The following LRRC8B variants were observed in gnomAD, a reference collection of about 807,000 sequenced individuals.
LRRC8B encodes the protein leucine rich repeat containing 8 VRAC subunit B.
A neutral mutation model predicts 58.8 loss-of-function variants in LRRC8B; 23 were observed. The ratio of observed to expected loss-of-function variants is 0.39; its 90% CI spans 0.28 to 0.55. The LOEUF (loss-of-function observed/expected upper bound fraction) is 0.55, where lower values mean the gene tolerates loss of function less well. LRRC8B is among the 20% of genes least tolerant of loss of function. The pLI is 0.62. For synonymous variants in LRRC8B, 359 were observed against 374.1 expected (o/e 0.96, Z 0.47); for missense variants, 694 against 936.0 (o/e 0.74, Z 3.37).
rs1466543567 is a variant in LRRC8B at position 89,597,035 on chromosome 1, G to GTA, written c.*3995_*3996dup. 1 of 152,148 alleles carries GTA rather than the reference G, an allele frequency of 6.6e-6. No homozygotes were observed. Among genetic ancestry groups the GTA allele is most frequent in the Non-Finnish European group, 1.5e-5 (1 of 68,004 alleles). 9.4% of individuals were successfully genotyped at this position (152,148 alleles called of 1,614,324 possible). ...AGTCATCATATATATATTTGAAATA[G>GTA]TATAAGCTAATTACTGTTGCAGAAT... On this transcript the variant is annotated 3_prime_UTR_variant, in exon 6 of 6. Coordinates refer to ENST00000330947, the MANE Select transcript of LRRC8B (RefSeq NM_001369817.2).
chr1:89,533,961 C>T (rs1434584757), intron 1 of LRRC8B, among the ~76,000 whole-genome samples: 1 of 152,128 alleles, frequency 6.6e-6, no homozygotes, highest in Admixed American at 6.6e-5. Flanking sequence ...TGTCTATGAG[C>T]TAGTGTTTAT....
Position 89,596,884 on chromosome 1 carries a change from G to A in LRRC8B, c.*3841G>A, listed in dbSNP as rs976630421. On this transcript the variant is annotated 3_prime_UTR_variant, in exon 6 of 6. Transcript: ENST00000330947. ...TGATCTGTACCCAAAGCAGGACAAT[G>A]TAACTGTAGATCTGCTTTGTTTTCA... The A allele has an allele frequency of 6.6e-6, 1 of 152,154 alleles. No individual in the cohort carries two copies. Among genetic ancestry groups the A allele is most frequent in the Admixed American group, 6.5e-5 (1 of 15,274 alleles). The allele number at this position is 152,154 out of a possible 1,614,324, so 9.4% of individuals were successfully genotyped here.
At chr1:89,585,507 T>C (rs1490986112) in intron 5 of LRRC8B, among the ~76,000 whole-genome samples, 12 of 152,148 alleles carry the variant, frequency 7.9e-5, no homozygotes. Context: ...TTCACTGTAG[T>C]CTAAAGGCAA....
Position 89,592,779 on chromosome 1 carries a change from G to C in LRRC8B, c.2148G>C (p.Met716Ile). The change falls in exon 6 of 6, where the codon ATG (methionine) becomes ATC (isoleucine). Residue 716 changes from methionine (M) to isoleucine (I), a missense_variant. Around this residue, in one of 5 missense-constraint regions of LRRC8B, gnomAD observed 139 missense variants for 158.2 expected, o/e 0.88. Coordinates refer to ENST00000330947, the MANE Select transcript of LRRC8B (RefSeq NM_001369817.2). ...YFAVTNNNIE[M>I]LPDGLFQCKK... is the part of the protein sequence containing the mutation. ...TTTTCTTCCCTTTCCAGATTGAGAT[G>C]CTACCAGATGGGCTGTTTCAGTGCA... 6.2e-7 allele frequency: 1 copy of C among 1,610,978 alleles called. No individual in the cohort carries two copies. The highest frequency in any genetic ancestry group is 8.5e-7 in the Non-Finnish European group (1 of 1,178,944).
In LRRC8B at chr1:89,592,985, T is replaced by C. The variant is rs1467867963; in HGVS notation, c.2354T>C (p.Leu785Pro). ...RNCLIVEENL[L>P]NTLPLPVTER... ...TGTCTGATTGTTGAGGAGAACTTGC[T>C]CAATACTCTTCCTCTCCCTGTAACA... is the stretch of plus-strand genomic sequence containing the variant. Residue 785 changes from leucine to proline, a missense_variant, in exon 6 of 6, where the codon CTC becomes CCC. By Grantham distance (98) the Leu-to-Pro change is moderately conservative. Around this residue, in one of 5 missense-constraint regions of LRRC8B, gnomAD observed 139 missense variants for 158.2 expected, o/e 0.88. Coordinates refer to ENST00000330947, the MANE Select transcript of LRRC8B (RefSeq NM_001369817.2). The C allele has an allele frequency of 1.2e-6, 2 of 1,613,944 alleles. No homozygotes were observed. Among genetic ancestry groups the C allele is most frequent in the Non-Finnish European group, 1.7e-6 (2 of 1,179,922 alleles).
Position 89,568,746 on chromosome 1 carries a change from A to T in LRRC8B, c.-125+253A>T, listed in dbSNP as rs571579205. ...ATGCAGGAAAATATATGTGTATATG[A>T]TATTTGTCATTTTTTAACAGTAAAA... On this transcript the variant is annotated intron_variant, in intron 3 of 5. Coordinates refer to ENST00000330947, the MANE Select transcript of LRRC8B (RefSeq NM_001369817.2). 1.1e-4 allele frequency among the ~76,000 whole-genome samples: 17 copies of T among 152,202 alleles called. No individual in the cohort carries two copies. In the Middle Eastern group the frequency reaches 0.01, roughly 91 times the overall value.
At chr1:89,555,117 T>C (rs1652088521) in intron 1 of LRRC8B, among the ~76,000 whole-genome samples, 1 of 152,224 alleles carries the variant, frequency 6.6e-6, no homozygotes, top group African/African-American at 2.4e-5. Context: ...TGCTGAGTTA[T>C]GAAGCCCGAA....
chr1:89,561,022 A>G (rs1346847042), intron 1 of LRRC8B, among the ~76,000 whole-genome samples: 16 of 149,318 alleles, frequency 1.1e-4, no homozygotes, highest in Middle Eastern at 3.5e-3. Context: ...AAGTGTTCCT[A>G]TTTCTCCACA....
chr1:89,574,046 C>G (rs1181490108), intron 3 of LRRC8B, among the ~76,000 whole-genome samples: 1 of 152,210 alleles, frequency 6.6e-6, no homozygotes, highest in Non-Finnish European at 1.5e-5. Flanking sequence ...CCTCTTAGAT[C>G]TTAGTCTCTT....
chr1:89,532,453 C>T (rs1400415827), intron 1 of LRRC8B, among the ~76,000 whole-genome samples: 5 of 152,190 alleles, frequency 3.3e-5, no homozygotes, highest in African/African-American at 7.2e-5. Context: ...ATAGTCCCCA[C>T]GTGTCGTGGG....
Position 89,582,993 on chromosome 1 carries a change from C to T in LRRC8B, c.343C>T (p.His115Tyr). Residue 115 changes from histidine to tyrosine, a missense_variant, in exon 5 of 6, where the codon CAT becomes TAT. By Grantham distance (83) the His-to-Tyr change is moderately conservative. Transcript: ENST00000330947. ...IDAVCYEKQL[H>Y]WFAKFFPYLV... ...TGCCGTCTGTTACGAGAAACAGCTC[C>T]ATTGGTTTGCAAAGTTTTTCCCCTA... 1 of 1,614,188 alleles carries T rather than the reference C, an allele frequency of 6.2e-7. No homozygotes were observed. The highest frequency in any genetic ancestry group is 8.5e-7 in the Non-Finnish European group (1 of 1,180,038).
intron 1 of LRRC8B, among the ~76,000 whole-genome samples, chr1:89,534,981 T>C (rs1166768164): frequency 6.6e-6 from 1 of 152,058 alleles, no homozygotes; most frequent in African/African-American, 2.4e-5. Context: ...GCCTTCTGCT[T>C]GGGGCCTGGA....
chr1:89,547,595 C>CT (rs1356414475), intron 1 of LRRC8B, among the ~76,000 whole-genome samples: 3 of 152,234 alleles, frequency 2.0e-5, no homozygotes, highest in Non-Finnish European at 2.9e-5. Context: ...TTCCTTCAAA[C>CT]TTTGATGCCA....
At chr1:89,550,984 T>G (rs1172682757) in intron 1 of LRRC8B, among the ~76,000 whole-genome samples, 1 of 152,190 alleles carries the variant, frequency 6.6e-6, no homozygotes, top group East Asian at 1.9e-4. Flanking sequence ...GTAAGTCAAT[T>G]CAAGCCATAC....
At chr1:89,566,861 T>C (rs1420705732) in intron 1 of LRRC8B, among the ~76,000 whole-genome samples, 1 of 152,230 alleles carries the variant, frequency 6.6e-6, no homozygotes. Flanking sequence ...GTTGGGAGCC[T>C]TCCTTTCAGG....
At chr1:89,589,671 C>T (rs1350138695) in intron 5 of LRRC8B, among the ~76,000 whole-genome samples, 1 of 148,812 alleles carries the variant, frequency 6.7e-6, no homozygotes, top group Non-Finnish European at 1.5e-5. Context: ...TTTTTGGCAT[C>T]ACTACTTAGA....
chr1:89,588,389 G>A (rs1654771867), intron 5 of LRRC8B, among the ~76,000 whole-genome samples: 1 of 152,226 alleles, frequency 6.6e-6, no homozygotes, highest in African/African-American at 2.4e-5. Context: ...TTCATCAAAT[G>A]TGTTTGAGCA....
At chr1:89,553,284 G>T (rs1557601596) in intron 1 of LRRC8B, among the ~76,000 whole-genome samples, 1 of 152,196 alleles carries the variant, frequency 6.6e-6, no homozygotes, top group Non-Finnish European at 1.5e-5. Context: ...TGCAACAAAT[G>T]AAATGTTTGT....
At chr1:89,528,449 C>A (rs1266098932) in intron 1 of LRRC8B, among the ~76,000 whole-genome samples, 1 of 152,184 alleles carries the variant, frequency 6.6e-6, no homozygotes, top group African/African-American at 2.4e-5. Context: ...TTTTCAAAAT[C>A]TCTTGCAAAT....
Sources: allele counts gnomAD v4.1 joint callset (sites outside exome capture counted in the v4.1 genomes callset), GRCh38; gene constraint gnomAD v4.1.1; regional missense constraint gnomAD v4.1.1; transcripts MANE v1.5; gene names NCBI Gene and HGNC (gene_info 2026-07-23, HGNC 2026-07-21).